Variants in OTC observed in about 807,000 individuals in gnomAD.
The protein encoded by OTC is ornithine transcarbamylase, mitochondrial.
OTC carries 3 observed loss-of-function variants against 30.3 expected under a neutral mutation model. The observed-to-expected ratio is 0.10, with a 90% CI of 0.05 to 0.26. OTC has a LOEUF of 0.26. Among genes scored for constraint, OTC ranks in the 10% least tolerant of loss-of-function variants. OTC has a pLI of 1.00. For synonymous variants in OTC, 111 were observed against 99.7 expected (o/e 1.11, Z -0.67); for missense variants, 194 against 260.3 (o/e 0.75, Z 1.75).
At chrX:38,389,479 G>C (rs930843300) in intron 4 of OTC, among the ~76,000 whole-genome samples, 1 of 111,319 alleles carries the variant, frequency 9.0e-6, no homozygotes, top group African/African-American at 3.3e-5. Flanking sequence ...AAGGTTTTAC[G>C]ATTTTTGGTA....
chrX:38,345,675 G>A, the OTC span, among the ~76,000 whole-genome samples: 6 of 109,890 alleles, frequency 5.5e-5, no homozygotes, highest in Admixed American at 4.9e-4. Flanking sequence ...CGAGTAGCTG[G>A]GATTACAGGT....
At chrX:38,347,461 C>T in the OTC span, among the ~76,000 whole-genome samples, 6 of 112,064 alleles carry the variant, frequency 5.4e-5, no homozygotes, top group Non-Finnish European at 1.1e-4. Flanking sequence ...AATAGCTCAC[C>T]AGCAACAGTC....
At chrX:38,367,547 G>T in intron 2 of OTC, 118 bp downstream of exon 2, 1 of 602,278 alleles carries the variant, frequency 1.7e-6, no homozygotes, top group Non-Finnish European at 2.7e-6. Context: ...GCTAAGTAAT[G>T]AAACCTCACA....
Position 38,391,995 on chromosome X carries a change from C to T in OTC, c.387-9280C>T, listed in dbSNP as rs773970624. ...GATGTTAACATTTTATCTCTGGAAC[C>T]ATCTTTCCACTTAAAGTTTCATGCC... On this transcript the variant is annotated intron_variant, in intron 4 of 9. Transcript: ENST00000039007. Among the ~76,000 whole-genome samples the T allele has an allele frequency of 1.3e-4, 15 of 112,149 alleles. No individual in the cohort carries two copies. In the South Asian group the frequency reaches 5.2e-3, roughly 39 times the overall value.
intron 4 of OTC, among the ~76,000 whole-genome samples, chrX:38,390,795 T>C (rs1270729356): frequency 1.8e-5 from 2 of 112,358 alleles, no homozygotes; most frequent in African/African-American, 6.5e-5. Context: ...CATCCATGTT[T>C]GATCTGGCCC....
At chrX:38,350,385 G>C (rs2068208230), upstream of OTC, among the ~76,000 whole-genome samples, 2 of 111,740 alleles carry the variant, frequency 1.8e-5, no homozygotes, top group African/African-American at 6.5e-5. Flanking sequence ...TGAATGAAAG[G>C]CTAGGTGAAC....
At chrX:38,381,458 C>T (rs1481258095) in intron 4 of OTC, 29 bp downstream of exon 4, 1 of 959,315 alleles carries the variant, frequency 1.0e-6, no homozygotes, top group Non-Finnish European at 1.5e-6. Flanking sequence ...CTCTCCAAAG[C>T]TGATTTCAGA....
chrX:38,349,672 C>T (rs1355187525), upstream of OTC, among the ~76,000 whole-genome samples: 2 of 112,479 alleles, frequency 1.8e-5, no homozygotes, highest in South Asian at 7.4e-4. Flanking sequence ...ATTACCCAGT[C>T]TGTGGTATTC....
Position 38,381,337 on chromosome X carries a change from T to C in OTC, c.299-5T>C, listed in dbSNP as rs377576551. On this transcript the variant is annotated splice_polypyrimidine_tract_variant and splice_region_variant and intron_variant, in intron 3 of 9. Coordinates refer to ENST00000039007, the MANE Select transcript of OTC (RefSeq NM_000531.6). ...AATGATTTTTTTCTTTTTTTTTTAT[T>C]GTAGGCTTTGCACTTCTGGGAGGAC... 25 of 1,155,075 alleles carry C rather than the reference T, an allele frequency of 2.2e-5. No individual in the cohort carries two copies. The highest frequency in any genetic ancestry group is 2.2e-5 in the Non-Finnish European group (19 of 847,360).
intron 4 of OTC, among the ~76,000 whole-genome samples, chrX:38,391,851 A>G (rs1477101246): frequency 5.4e-5 from 6 of 111,340 alleles, no homozygotes. Context: ...ACTTGGGAGA[A>G]ATTTCCTTTC....
intron 2 of OTC, among the ~76,000 whole-genome samples, chrX:38,368,663 C>A (rs970176125): frequency 9.8e-6 from 1 of 101,981 alleles, no homozygotes; most frequent in Non-Finnish European, 2.0e-5. Flanking sequence ...CTTGTTCAGC[C>A]TTTTTAAAGA....
At chrX:38,365,766 G>A (rs2068292729) in intron 1 of OTC, among the ~76,000 whole-genome samples, 1 of 112,096 alleles carries the variant, frequency 8.9e-6, no homozygotes. Flanking sequence ...AGCAGAACAA[G>A]ATGGAGTCTA....
intron 2 of OTC, among the ~76,000 whole-genome samples, chrX:38,368,172 C>T (rs2068306517): frequency 9.0e-6 from 1 of 110,683 alleles, no homozygotes; most frequent in African/African-American, 3.3e-5. Context: ...ACCAGCCCGA[C>T]CAACATGAAG....
chrX:38,362,297 G>T (rs569364528), intron 1 of OTC, among the ~76,000 whole-genome samples: 4 of 111,506 alleles, frequency 3.6e-5, no homozygotes, highest in Admixed American at 1.9e-4. Context: ...TGATCTTACT[G>T]CAAAACCAAA....
intron 3 of OTC, among the ~76,000 whole-genome samples, chrX:38,378,132 G>T (rs754057256): frequency 9.6e-6 from 1 of 103,790 alleles, no homozygotes; most frequent in Non-Finnish European, 2.0e-5. Context: ...CACCGCACCC[G>T]GCCTCTTGTT....
chrX:38,388,272 C>T (rs1447379431), intron 4 of OTC, among the ~76,000 whole-genome samples: 1 of 111,675 alleles, frequency 9.0e-6, no homozygotes, highest in Non-Finnish European at 1.9e-5. Flanking sequence ...CTATTGCTCA[C>T]TTCCCTTTAT....
chrX:38,383,950 A>T (rs2068389555), intron 4 of OTC, among the ~76,000 whole-genome samples: 1 of 112,100 alleles, frequency 8.9e-6, no homozygotes, highest in Admixed American at 9.5e-5. Flanking sequence ...CATAGTTATG[A>T]TTTATTACAA....
intron 1 of OTC, among the ~76,000 whole-genome samples, chrX:38,353,377 AGT>A (rs924341465): frequency 1.2e-5 from 1 of 81,105 alleles, no homozygotes; most frequent in African/African-American, 4.5e-5. Context: ...GATGGCATGG[AGT>A]GTGTCTGTGG....
At chrX:38,339,197 A>G in the OTC span, among the ~76,000 whole-genome samples, 6 of 111,817 alleles carry the variant, frequency 5.4e-5, no homozygotes, top group Non-Finnish European at 1.1e-4. Flanking sequence ...ACCTAATCTT[A>G]AGGAAATCAC....
Sources: gnomAD v4.1 joint callset for allele counts (sites outside exome capture counted in the v4.1 genomes callset) on GRCh38, gnomAD v4.1.1 for gene constraint, MANE v1.5 for transcripts, NCBI Gene and HGNC (gene_info 2026-07-23, HGNC 2026-07-21) for gene names.